The following PCDHGA4 variants were observed in gnomAD, a reference collection of about 807,000 sequenced individuals.
PCDHGA4 encodes protocadherin gamma subfamily A, 4.
In PCDHGA4, 38 loss-of-function variants were observed where a neutral mutation model predicts 54.6. The observed-to-expected ratio is 0.70, with a 90% confidence interval of 0.54 to 0.91. The LOEUF is 0.91. Among genes scored for constraint, PCDHGA4 ranks in the 40% least tolerant of loss-of-function variants. The pLI is 0.00. For synonymous variants in PCDHGA4, 511 were observed against 512.9 expected (o/e 1.00, Z 0.05); for missense variants, 1,298 against 1,220.9 (o/e 1.06, Z -0.94).
intron 1 of PCDHGA4, chr5:141,414,687 T>G: frequency 1.2e-6 from 2 of 1,614,004 alleles, no homozygotes; most frequent in East Asian, 4.5e-5. Flanking sequence ...AGGGGGTACC[T>G]CTGTCCTCAT....
intron 1 of PCDHGA4, among the ~76,000 whole-genome samples, chr5:141,465,545 C>T (rs2099105349): frequency 6.6e-6 from 1 of 152,146 alleles, no homozygotes; most frequent in South Asian, 2.1e-4. Context: ...GGCATTTTTT[C>T]TGCTGAAGCT....
intron 1 of PCDHGA4, chr5:141,360,240 T>G: frequency 6.2e-7 from 1 of 1,613,948 alleles, no homozygotes; most frequent in African/African-American, 1.3e-5. Context: ...AGATCCGCTA[T>G]TCAATTCCAG....
At chr5:141,464,676 T>A (rs1337677151) in intron 1 of PCDHGA4, among the ~76,000 whole-genome samples, 1 of 152,176 alleles carries the variant, frequency 6.6e-6, no homozygotes. Flanking sequence ...ATAATTTTAA[T>A]TAAAATTTCT....
At position 141,383,329 on chromosome 5, in the gene PCDHGA4, G is replaced by A. The variant is rs143729030; in HGVS notation, c.2514+25708G>A. 347 of 1,613,980 alleles carry A rather than the reference G, an allele frequency of 2.1e-4. 3 individuals are homozygous for A. The East Asian group carries it at 5.6e-3, about 26-fold the overall frequency. On this transcript the variant is annotated intron_variant, in intron 1 of 3. Transcript: ENST00000571252. ...GGAAGAAATAAATGTAAAAATAATG[G>A]AGAATACAGCTCCTGGGGTTCGGTT...
intron 1 of PCDHGA4, among the ~76,000 whole-genome samples, chr5:141,435,099 TA>T (rs892317840): frequency 2.0e-5 from 3 of 152,260 alleles, no homozygotes; most frequent in African/African-American, 7.2e-5. Context: ...TCTGTTTATC[TA>T]GGGGGGAGAA....
intron 1 of PCDHGA4, chr5:141,359,902 C>G: frequency 2.5e-6 from 1 of 408,138 alleles, no homozygotes; most frequent in East Asian, 3.6e-5. Context: ...ATTGACAAGC[C>G]ATTAGTGCAG....
chr5:141,374,039 G>A, intron 1 of PCDHGA4: 1 of 1,456,944 alleles, frequency 6.9e-7, no homozygotes, highest in Non-Finnish European at 9.1e-7. Flanking sequence ...ATGCAGATCT[G>A]TTCTTCCTCT....
intron 2 of PCDHGA4, among the ~76,000 whole-genome samples, chr5:141,501,333 A>ACACACC (rs1186649373): frequency 1.5e-4 from 21 of 140,134 alleles, no homozygotes; most frequent in African/African-American, 3.4e-4. Flanking sequence ...ACACACACAC[A>ACACACC]CCCCAAACTC....
In PCDHGA4 at chr5:141,486,748, T is replaced by C; in HGVS notation, c.2515-8059T>C. ...TTCATGCTACTCGATCCTTTGACTA[T>C]GAGCAAACCCAGACACTGCAGTTTG... is the stretch of plus-strand genomic sequence containing the variant. On this transcript the variant is annotated intron_variant, in intron 1 of 3. Coordinates refer to ENST00000571252, the MANE Select transcript of PCDHGA4 (RefSeq NM_018917.4). The surrounding 1 kb of genome is among the most constrained non-coding windows in gnomAD (Gnocchi z 5.0). 6.2e-7 allele frequency: 1 copy of C among 1,614,230 alleles called. No individual in the cohort carries two copies. The highest frequency in any genetic ancestry group is 8.5e-7 in the Non-Finnish European group (1 of 1,180,042).
At chr5:141,410,739 A>G in intron 1 of PCDHGA4, 1 of 1,303,782 alleles carries the variant, frequency 7.7e-7, no homozygotes. Flanking sequence ...GCTTTTTACA[A>G]TATTTTCTCA....
chr5:141,490,132 A>G lies in PCDHGA4; in HGVS notation c.2515-4675A>G, dbSNP rs1245562757. The G allele has an allele frequency of 3.7e-6, 6 of 1,614,102 alleles. No homozygotes were observed. In the African/African-American group the frequency reaches 4.0e-5, roughly 11 times the overall value. ...GCGGAACCTCTTTGGCCTAGACCCTAGCAGTGGGGCAATCCATGTGTTGGG... is the reference window on the plus strand; with the variant it reads ...GCGGAACCTCTTTGGCCTAGACCCTGGCAGTGGGGCAATCCATGTGTTGGG... On this transcript the variant is annotated intron_variant, in intron 1 of 3. Coordinates refer to ENST00000571252, the MANE Select transcript of PCDHGA4 (RefSeq NM_018917.4). The surrounding 1 kb of genome is among the most constrained non-coding windows in gnomAD (Gnocchi z 5.4).
At position 141,355,826 on chromosome 5, in the gene PCDHGA4, A is replaced by G; in HGVS notation, c.719A>G (p.His240Arg). The G allele has an allele frequency of 6.2e-7, 1 of 1,612,512 alleles. No homozygotes were observed. The highest frequency in any genetic ancestry group is 1.7e-5 in the Admixed American group (1 of 59,800). The change falls in exon 1 of 4, where the codon CAC becomes CGC. Residue 240 changes from histidine (H) to arginine (R), a missense_variant. Transcript: ENST00000571252. Reference protein sequence around the residue: ...ALDREEEAVHHLVLTAFDGGD... With the variant: ...ALDREEEAVHRLVLTAFDGGD... Reference sequence around the variant, plus strand: ...GATCGCGAGGAAGAGGCGGTTCACCACCTCGTTCTCACGGCCTTCGATGGA... The same window carrying G: ...GATCGCGAGGAAGAGGCGGTTCACCGCCTCGTTCTCACGGCCTTCGATGGA...
At chr5:141,363,790 T>C (rs1763065871) in intron 1 of PCDHGA4, among the ~76,000 whole-genome samples, 1 of 152,218 alleles carries the variant, frequency 6.6e-6, no homozygotes, top group Non-Finnish European at 1.5e-5. Flanking sequence ...TTTATCCTAA[T>C]AAGGAGATGA....
chr5:141,398,711 C>T, intron 1 of PCDHGA4: 2 of 1,613,822 alleles, frequency 1.2e-6, no homozygotes, highest in South Asian at 1.1e-5. Context: ...CCGGAACTGG[C>T]ACTGGAGAAA....
intron 1 of PCDHGA4, chr5:141,389,412 G>T (rs1039259671): frequency 5.6e-6 from 9 of 1,613,470 alleles, no homozygotes; most frequent in Non-Finnish European, 7.6e-6. Flanking sequence ...CGCGGAGAGC[G>T]GGGTGGTGTT....
rs2233613 is a variant in PCDHGA4 at position 141,511,203 on chromosome 5, G to A, written c.*30G>A. 0.14 allele frequency: 222,603 copies of A among 1,611,360 alleles called. 15,640 individuals carry two copies. The highest frequency in any genetic ancestry group is 0.18 in the Admixed American group (10,873 of 59,374). ...GAGGCCAGGCCAAGAGCCACAGGGC[G>A]GCCTCTCCCCAACCAGCCCAGCTTC... On this transcript the variant is annotated 3_prime_UTR_variant, in exon 4 of 4. Transcript: ENST00000571252.
chr5:141,395,437 G>A lies in PCDHGA4; in HGVS notation c.2514+37816G>A, dbSNP rs973609255. On this transcript the variant is annotated intron_variant, in intron 1 of 3. Coordinates refer to ENST00000571252, the MANE Select transcript of PCDHGA4 (RefSeq NM_018917.4). ...TGTTTCATTTGCTTTTAAACGACTT[G>A]GAAAAGATTGTTCAACCATTTTAAG... 5.2e-5 allele frequency: 35 copies of A among 668,254 alleles called. No homozygotes were observed. The African/African-American group carries it at 6.1e-4, about 12-fold the overall frequency. 41.4% of individuals were successfully genotyped at this position (668,254 alleles called of 1,614,324 possible).
Position 141,485,660 on chromosome 5 carries a change from G to A in PCDHGA4, c.2515-9147G>A. On this transcript the variant is annotated intron_variant, in intron 1 of 3. Transcript: ENST00000571252. The surrounding 1 kb of genome is among the most constrained non-coding windows in gnomAD (Gnocchi z 5.7). ...GGAAAAGGCTCAGGATGCAGATGTG[G>A]GGAGCAATTCGATTAGCAGCTATAG... is the stretch of plus-strand genomic sequence containing the variant. 1 of 1,612,716 alleles carries A rather than the reference G, an allele frequency of 6.2e-7. No individual in the cohort carries two copies. Among genetic ancestry groups the A allele is most frequent in the Non-Finnish European group, 8.5e-7 (1 of 1,178,898 alleles).
chr5:141,362,555 A>G, intron 1 of PCDHGA4: 1 of 1,612,062 alleles, frequency 6.2e-7, no homozygotes, highest in Non-Finnish European at 8.5e-7. Context: ...ACTATTTTGA[A>G]GGTGAGCTTT....
Sources: allele counts gnomAD v4.1 joint callset (sites outside exome capture counted in the v4.1 genomes callset), GRCh38; gene constraint gnomAD v4.1.1; non-coding constraint Gnocchi (gnomAD v3.1); transcripts MANE v1.5; gene names NCBI Gene and HGNC (gene_info 2026-07-23, HGNC 2026-07-21).